Variants in FRAS1 observed in about 807,000 individuals in gnomAD.
FRAS1 encodes extracellular matrix organizing protein FRAS1.
A neutral mutation model predicts 435.2 loss-of-function variants in FRAS1; 290 were observed. The observed-to-expected ratio is 0.67, with a 90% CI of 0.61 to 0.73. The LOEUF is 0.73. Ranked by LOEUF, FRAS1 falls within the 30% of genes least tolerant of loss-of-function variation. The pLI, the probability that FRAS1 is intolerant of heterozygous loss-of-function variation, is 0.00. For synonymous variants in FRAS1, 1,800 were observed against 1,851.0 expected (o/e 0.97, Z 0.71); for missense variants, 4,860 against 5,001.5 (o/e 0.97, Z 0.85).
At chr4:78,356,791 G>A (rs1730873980) in intron 20 of FRAS1, among the ~76,000 whole-genome samples, 1 of 150,644 alleles carries the variant, frequency 6.6e-6, no homozygotes, top group South Asian at 2.1e-4. Context: ...CCTAACATGA[G>A]TTGCCTTTCA....
At chr4:78,232,579 C>T (rs922966863) in intron 2 of FRAS1, among the ~76,000 whole-genome samples, 3 of 152,150 alleles carry the variant, frequency 2.0e-5, no homozygotes, top group South Asian at 2.1e-4. Context: ...GCCACCGTGC[C>T]TGGCTGGTAC....
Position 78,305,991 on chromosome 4 carries a change from T to C in FRAS1, c.1535-2075T>C, listed in dbSNP as rs575078350. The stretch of plus-strand genomic sequence containing the variant: ...TTTACATTTTGGCATGATTTTGCAG[T>C]GGCTGGTACCGGTTGTTCCTTTCCA... On this transcript the variant is annotated intron_variant, in intron 14 of 73. Transcript: ENST00000512123. Among the ~76,000 whole-genome samples the C allele has an allele frequency of 3.9e-3, 594 of 152,312 alleles. 3 individuals are homozygous for C. Among genetic ancestry groups the C allele is most frequent in the African/African-American group, 0.014 (562 of 41,566 alleles).
At chr4:78,125,208 C>T (rs1350426350) in intron 2 of FRAS1, among the ~76,000 whole-genome samples, 2 of 152,144 alleles carry the variant, frequency 1.3e-5, no homozygotes, top group African/African-American at 4.8e-5. Context: ...TCATTGGTTT[C>T]AAAGAACATC....
chr4:78,215,798 G>C (rs1277207469), intron 2 of FRAS1, among the ~76,000 whole-genome samples: 1 of 152,148 alleles, frequency 6.6e-6, no homozygotes, highest in Non-Finnish European at 1.5e-5. Flanking sequence ...TCCTTCCTAA[G>C]CTGATTGATA....
chr4:78,382,810 C>T (rs1267913841), intron 27 of FRAS1, among the ~76,000 whole-genome samples: 1 of 152,122 alleles, frequency 6.6e-6, no homozygotes, highest in African/African-American at 2.4e-5. Flanking sequence ...TATAGTTGCT[C>T]CTTTACCCCT....
chr4:78,077,130 C>T (rs1214679747), intron 2 of FRAS1, among the ~76,000 whole-genome samples: 4 of 152,110 alleles, frequency 2.6e-5, no homozygotes, highest in Admixed American at 1.3e-4. Context: ...GGCAGGAGGA[C>T]GCTTAAGCCC....
At chr4:78,446,221 C>T in intron 42 of FRAS1, 2 of 996,814 alleles carry the variant, frequency 2.0e-6, no homozygotes, top group Non-Finnish European at 1.2e-6. Context: ...TACCCTCTGC[C>T]TTGGGAAAAT....
chr4:78,192,443 T>C (rs1236333406), intron 2 of FRAS1, among the ~76,000 whole-genome samples: 1 of 152,216 alleles, frequency 6.6e-6, no homozygotes, highest in Non-Finnish European at 1.5e-5. Flanking sequence ...ATTGCCTCAA[T>C]TTCAGAGCCT....
intron 25 of FRAS1, among the ~76,000 whole-genome samples, chr4:78,375,312 C>G (rs1271087521): frequency 1.3e-5 from 2 of 152,182 alleles, no homozygotes; most frequent in Admixed American, 6.5e-5. Context: ...ATGTAATCCT[C>G]CCAACAATTA....
intron 2 of FRAS1, among the ~76,000 whole-genome samples, chr4:78,160,004 G>T (rs1721072554): frequency 6.6e-6 from 1 of 152,196 alleles, no homozygotes; most frequent in East Asian, 1.9e-4. Flanking sequence ...GGGTGTTCCA[G>T]GGAATGTAGA....
intron 2 of FRAS1, among the ~76,000 whole-genome samples, chr4:78,087,239 A>C (rs1741229420): frequency 6.6e-6 from 1 of 152,172 alleles, no homozygotes; most frequent in Admixed American, 6.5e-5. Context: ...TCATGCTAAA[A>C]ACTCTCAATA....
At chr4:78,263,545 C>T (rs553168514) in intron 6 of FRAS1, among the ~76,000 whole-genome samples, 1 of 152,250 alleles carries the variant, frequency 6.6e-6, no homozygotes, top group Admixed American at 6.5e-5. Flanking sequence ...ACATTTGTTT[C>T]CTGTTTGTCT....
At chr4:78,263,114 G>T (rs572251824) in intron 6 of FRAS1, among the ~76,000 whole-genome samples, 25 of 152,286 alleles carry the variant, frequency 1.6e-4, no homozygotes, top group Non-Finnish European at 2.4e-4. Context: ...TAGAATTCAG[G>T]TGTATGGTAA....
chr4:78,088,002 A>T (rs1421562990), intron 2 of FRAS1, among the ~76,000 whole-genome samples: 2 of 152,248 alleles, frequency 1.3e-5, no homozygotes, highest in Admixed American at 1.3e-4. Flanking sequence ...ATCTGGAGGC[A>T]TCACACTACC....
At chr4:78,290,867 AG>A (rs1308966376) in intron 14 of FRAS1, among the ~76,000 whole-genome samples, 1 of 147,566 alleles carries the variant, frequency 6.8e-6, no homozygotes, top group African/African-American at 2.5e-5. Context: ...CCTGGATTCA[AG>A]TGATTCTCCT....
Position 78,466,194 on chromosome 4 carries a change from T to C in FRAS1, c.7030-14T>C. ...TGAGCTTCCCTCCCCTCTGGTATTT[T>C]GCCTTCCGGACAGGCCGAGTCTGTC... On this transcript the variant is annotated splice_polypyrimidine_tract_variant and intron_variant, in intron 49 of 73. Transcript: ENST00000512123. The C allele has an allele frequency of 1.9e-6, 3 of 1,611,238 alleles. No homozygotes were observed. The highest frequency in any genetic ancestry group is 2.5e-6 in the Non-Finnish European group (3 of 1,177,604).
intron 9 of FRAS1, 70 bp downstream of exon 9, chr4:78,267,502 T>C: frequency 7.0e-7 from 1 of 1,420,922 alleles, no homozygotes; most frequent in Non-Finnish European, 9.6e-7. Context: ...GGGTCCTGCC[T>C]GTTCTTTACT....
At chr4:78,103,138 C>T (rs1326823003) in intron 2 of FRAS1, among the ~76,000 whole-genome samples, 2 of 152,186 alleles carry the variant, frequency 1.3e-5, no homozygotes, top group African/African-American at 4.8e-5. Context: ...AGAACCCAGC[C>T]TCAACACCAT....
chr4:78,274,963 G>T (rs563016590), intron 9 of FRAS1, among the ~76,000 whole-genome samples: 105 of 152,204 alleles, frequency 6.9e-4, no homozygotes, highest in African/African-American at 2.5e-3. Flanking sequence ...CTCTTTGTAG[G>T]TCTCTAAGGA....
Sources: allele counts gnomAD v4.1 joint callset (sites outside exome capture counted in the v4.1 genomes callset), GRCh38; gene constraint gnomAD v4.1.1; transcripts MANE v1.5; gene names NCBI Gene and HGNC (gene_info 2026-07-23, HGNC 2026-07-21).